Variants in DENND6A observed in about 807,000 individuals in gnomAD.
DENND6A encodes the protein protein DENND6A.
Under a neutral mutation model 95.5 loss-of-function variants are expected in DENND6A, and 43 were observed. The observed-to-expected ratio is 0.45, with a 90% CI of 0.35 to 0.58. The LOEUF is 0.58. Among genes scored for constraint, DENND6A ranks in the 20% least tolerant of loss-of-function variants. The probability of loss-of-function intolerance (pLI) is 0.00; values close to 1 mark genes in which losing one functional copy is unlikely to be tolerated. For synonymous variants in DENND6A, 257 were observed against 260.4 expected, an observed-to-expected ratio of 0.99 and a Z score of 0.13; for missense variants, 574 against 736.0, an observed-to-expected ratio of 0.78 and a Z score of 2.55.
intron 1 of DENND6A, among the ~76,000 whole-genome samples, chr3:57,677,950 T>C (rs1486844763): frequency 6.6e-6 from 1 of 152,204 alleles, no homozygotes; most frequent in Non-Finnish European, 1.5e-5. Context: ...TATCCCATTC[T>C]TTGTAAGTTG....
At chr3:57,665,829 TCCACTCCCACA>T in intron 4 of DENND6A, 1 of 271,508 alleles carries the variant, frequency 3.7e-6, no homozygotes, top group Non-Finnish European at 7.1e-6. Context: ...ACAGTACAAC[TCCACTCCCACA>T]TCTAATTCAA....
chr3:57,638,582 C>T (rs146713133), intron 12 of DENND6A, among the ~76,000 whole-genome samples: 312 of 152,116 alleles, frequency 2.1e-3, no homozygotes, highest in African/African-American at 5.3e-3. Context: ...TGCTTGAACC[C>T]GGGAGGTGGA....
chr3:57,677,060 G>A (rs1472498912), intron 1 of DENND6A, among the ~76,000 whole-genome samples: 1 of 152,162 alleles, frequency 6.6e-6, no homozygotes, highest in Non-Finnish European at 1.5e-5. Context: ...CTGACCTCAA[G>A]TGATCCACCC....
chr3:57,647,521 T>C (rs2071104637), intron 9 of DENND6A, among the ~76,000 whole-genome samples: 1 of 152,106 alleles, frequency 6.6e-6, no homozygotes, highest in Non-Finnish European at 1.5e-5. Context: ...GTGAGCAATG[T>C]ATACATGTGT....
intron 12 of DENND6A, among the ~76,000 whole-genome samples, chr3:57,640,047 G>A (rs1181525596): frequency 1.3e-5 from 2 of 150,952 alleles, no homozygotes; most frequent in African/African-American, 4.9e-5. Flanking sequence ...CGAGGTGGGC[G>A]GTCTGGAGGT....
At chr3:57,642,823 C>T (rs371224382) in intron 11 of DENND6A, among the ~76,000 whole-genome samples, 3 of 151,904 alleles carry the variant, frequency 2.0e-5, no homozygotes, top group Admixed American at 6.6e-5. Flanking sequence ...CTGGCCAACA[C>T]GGTGAAACCC....
chr3:57,628,085 C>T lies in DENND6A; in HGVS notation c.*129G>A. On this transcript the variant is annotated 3_prime_UTR_variant, in exon 20 of 20. Transcript: ENST00000311128. ...CTGTTTATACAATACAGTCTTTCTA[C>T]CCTGTAACTAGCATTCATGGCAATT... 7.8e-7 allele frequency: 1 copy of T among 1,289,904 alleles called. No individual in the cohort carries two copies. The highest frequency in any genetic ancestry group is 2.5e-5 in the Admixed American group (1 of 40,460). The allele number at this position is 1,289,904 out of a possible 1,614,324, so 79.9% of individuals were successfully genotyped here.
chr3:57,672,304 AAAG>A lies in DENND6A; in HGVS notation c.277-9_277-7del, dbSNP rs1172652246. 22 of 1,609,316 alleles carry A rather than the reference AAAG, an allele frequency of 1.4e-5. No individual in the cohort carries two copies. Among genetic ancestry groups the A allele is most frequent in the Non-Finnish European group, 1.6e-5 (19 of 1,178,588 alleles). On this transcript the variant is annotated splice_polypyrimidine_tract_variant and splice_region_variant and intron_variant, in intron 2 of 19. Transcript: ENST00000311128. ...AAATAGCAAATATTGGTTTTCTGAA[AAAG>A]AAAACAAAAGTGATGTATGCTGACA...
intron 3 of DENND6A, among the ~76,000 whole-genome samples, chr3:57,668,060 ATC>A (rs2071553798): frequency 6.6e-6 from 1 of 151,772 alleles, no homozygotes; most frequent in African/African-American, 2.4e-5. Context: ...GCAAGACCCT[ATC>A]TCAAAAAAAA....
intron 3 of DENND6A, among the ~76,000 whole-genome samples, chr3:57,669,745 G>A (rs2071584234): frequency 1.3e-5 from 2 of 149,892 alleles, no homozygotes; most frequent in Admixed American, 1.3e-4. Flanking sequence ...AAATCAGCCG[G>A]GTGCAGTGGT....
chr3:57,681,271 C>T (rs992200005), intron 1 of DENND6A, among the ~76,000 whole-genome samples: 2 of 152,068 alleles, frequency 1.3e-5, no homozygotes, highest in African/African-American at 4.8e-5. Flanking sequence ...CGACACCATC[C>T]TGGCTAACAC....
intron 15 of DENND6A, among the ~76,000 whole-genome samples, chr3:57,631,863 C>G (rs1215067512): frequency 6.6e-6 from 1 of 150,502 alleles, no homozygotes; most frequent in African/African-American, 2.4e-5. Context: ...GCTGGGATTA[C>G]AGGCGCCCAC....
intron 1 of DENND6A, among the ~76,000 whole-genome samples, chr3:57,684,983 G>A (rs575941489): frequency 2.0e-5 from 3 of 152,110 alleles, no homozygotes; most frequent in Admixed American, 6.5e-5. Context: ...GCACAGTCTC[G>A]GCTCACTGCA....
intron 1 of DENND6A, among the ~76,000 whole-genome samples, chr3:57,685,986 C>T (rs1167713007): frequency 6.6e-6 from 1 of 152,152 alleles, no homozygotes; most frequent in African/African-American, 2.4e-5. Flanking sequence ...ATACTCCAAA[C>T]ATGCCTACAC....
chr3:57,666,708 T>C (rs1445029336), intron 3 of DENND6A, among the ~76,000 whole-genome samples: 3 of 152,322 alleles, frequency 2.0e-5, no homozygotes, highest in Admixed American at 6.5e-5. Flanking sequence ...GAAAGGATAG[T>C]GGTTACATTT....
At chr3:57,653,264 T>C (rs2071247655) in intron 9 of DENND6A, among the ~76,000 whole-genome samples, 1 of 152,128 alleles carries the variant, frequency 6.6e-6, no homozygotes, top group Admixed American at 6.6e-5. Context: ...AGTTGCAAAT[T>C]ATTGTCTTTC....
At chr3:57,655,522 CAT>C in intron 9 of DENND6A, among the ~76,000 whole-genome samples, 1 of 152,274 alleles carries the variant, frequency 6.6e-6, no homozygotes, top group East Asian at 1.9e-4. Flanking sequence ...AGGTTTTGAG[CAT>C]TGACATGATG....
intron 1 of DENND6A, among the ~76,000 whole-genome samples, chr3:57,687,711 T>A (rs1395056677): frequency 6.6e-6 from 1 of 151,978 alleles, no homozygotes; most frequent in East Asian, 1.9e-4. Context: ...GGCACGAGGA[T>A]CCCTTGAAGC....
intron 1 of DENND6A, among the ~76,000 whole-genome samples, chr3:57,676,773 GCTTTTT>G (rs2071716279): frequency 6.6e-6 from 1 of 152,050 alleles, no homozygotes. Flanking sequence ...CATTTTATGG[GCTTTTT>G]CTTTAATTCT....
Sources: allele counts gnomAD v4.1 joint callset (sites outside exome capture counted in the v4.1 genomes callset), GRCh38; gene constraint gnomAD v4.1.1; transcripts MANE v1.5; gene names NCBI Gene and HGNC (gene_info 2026-07-23, HGNC 2026-07-21).